The following INTS4 variants were observed in gnomAD, a reference collection of about 807,000 sequenced individuals.
The protein encoded by INTS4 is MSTP093.
INTS4 carries 70 observed loss-of-function variants against 119.5 expected under a neutral mutation model. That is an observed-to-expected ratio of 0.59 (90% CI 0.48 to 0.71). INTS4 has a LOEUF of 0.71. Among genes scored for constraint, INTS4 ranks in the 30% least tolerant of loss-of-function variants. INTS4 has a pLI of 0.00. For missense variants in INTS4, 867 were observed against 1,173.2 expected (o/e 0.74, Z 3.81); for synonymous variants, 316 against 419.6 (o/e 0.75, Z 3.02).
At chr11:77,978,344 A>T (rs1188426813) in intron 4 of INTS4, 2 of 152,194 alleles carry the variant, frequency 1.3e-5, no homozygotes, top group Non-Finnish European at 2.9e-5. Context: ...AATGCATTTG[A>T]CTTTTTTATA....
chr11:77,926,195 A>AG (rs199561415), intron 11 of INTS4, among the ~76,000 whole-genome samples: 1,673 of 152,046 alleles, frequency 0.011, 32 homozygotes, highest in African/African-American at 0.036. Flanking sequence ...GCAGGAAAAA[A>AG]AAAAGGCAAA....
intron 10 of INTS4, among the ~76,000 whole-genome samples, chr11:77,934,307 T>C (rs1953737205): frequency 6.6e-6 from 1 of 151,580 alleles, no homozygotes; most frequent in African/African-American, 2.4e-5. Flanking sequence ...GTTCACTTGC[T>C]TATCTGCTGA....
chr11:77,900,709 G>A, intron 18 of INTS4: 1 of 671,358 alleles, frequency 1.5e-6, no homozygotes, highest in East Asian at 2.7e-5. Context: ...AACACTATGG[G>A]ACACCATCAA....
At chr11:77,919,026 T>C in intron 14 of INTS4, 48 bp from the exon 15 acceptor site, 1 of 1,600,618 alleles carries the variant, frequency 6.2e-7, no homozygotes, top group Non-Finnish European at 8.6e-7. Flanking sequence ...GGCTCAGCTT[T>C]TGGTAACACA....
At position 77,891,884 on chromosome 11, in the gene INTS4, T is replaced by G. The variant is rs1591015488; in HGVS notation, c.2289-44A>C. 3.7e-6 allele frequency: 6 copies of G among 1,609,766 alleles called. No homozygotes were observed. The East Asian group carries it at 1.3e-4, about 36-fold the overall frequency. ...GCAACTGACTCATTCAACTGTGCAC[T>G]CATTCACCACAGGCTGGGCCCCAGA... On this transcript the variant is annotated intron_variant, in intron 19 of 22. Coordinates refer to ENST00000534064, the MANE Select transcript of INTS4 (RefSeq NM_033547.4).
chr11:77,978,712 C>T (rs914475352), intron 4 of INTS4: 1 of 179,452 alleles, frequency 5.6e-6, no homozygotes, highest in Non-Finnish European at 1.2e-5. Context: ...AATAACGGTA[C>T]TTACTTGAAG....
chr11:77,934,338 T>C (rs892960337), intron 10 of INTS4, among the ~76,000 whole-genome samples: 1 of 149,746 alleles, frequency 6.7e-6, no homozygotes, highest in African/African-American at 2.5e-5. Context: ...ACTATTGTCC[T>C]ATGACCCTGC....
chr11:77,953,646 C>G (rs1032974393), intron 8 of INTS4, among the ~76,000 whole-genome samples: 6 of 151,552 alleles, frequency 4.0e-5, no homozygotes, highest in Non-Finnish European at 8.8e-5. Flanking sequence ...TGCAATGGCA[C>G]AATCTCGGCT....
At chr11:77,966,948 A>G (rs1482144037) in intron 4 of INTS4, among the ~76,000 whole-genome samples, 1 of 152,168 alleles carries the variant, frequency 6.6e-6, no homozygotes, top group East Asian at 1.9e-4. Flanking sequence ...CAATGGCTGC[A>G]CTATTTTGCA....
At chr11:77,979,368 A>C (rs879488899) in intron 3 of INTS4, among the ~76,000 whole-genome samples, 1 of 152,020 alleles carries the variant, frequency 6.6e-6, no homozygotes, top group Non-Finnish European at 1.5e-5. Context: ...TCAGCTACTT[A>C]GGAGGCCGAG....
At chr11:77,959,005 T>G (rs569275907) in intron 6 of INTS4, among the ~76,000 whole-genome samples, 171 bp from the exon 7 acceptor site, 132 of 152,348 alleles carry the variant, frequency 8.7e-4, no homozygotes, top group South Asian at 8.1e-3. Flanking sequence ...CTCTGTCAGC[T>G]GCTCTGGCTG....
At chr11:77,910,215 T>C (rs1168444199) in intron 15 of INTS4, among the ~76,000 whole-genome samples, 2 of 151,944 alleles carry the variant, frequency 1.3e-5, no homozygotes, top group Non-Finnish European at 2.9e-5. Context: ...AATGATAGAC[T>C]GGATTAAGAA....
intron 10 of INTS4, among the ~76,000 whole-genome samples, chr11:77,934,874 A>C (rs1171024107): frequency 1.3e-5 from 2 of 152,230 alleles, no homozygotes; most frequent in African/African-American, 2.4e-5. Context: ...CTTAACATCT[A>C]CTGATGAAAA....
At chr11:77,963,580 T>G in intron 4 of INTS4, 1 of 340,178 alleles carries the variant, frequency 2.9e-6, no homozygotes, top group African/African-American at 2.2e-5. Context: ...AATTTACAAT[T>G]TTGCTATATA....
Position 77,882,224 on chromosome 11 carries a change from T to C in INTS4, c.2713+1608A>G, listed in dbSNP as rs183145362. Among the ~76,000 whole-genome samples the C allele has an allele frequency of 3.3e-3, 498 of 152,186 alleles. 7 individuals carry two copies. Among genetic ancestry groups the C allele is most frequent in the Non-Finnish European group, 4.4e-4 (30 of 68,008 alleles). On this transcript the variant is annotated intron_variant, in intron 22 of 22. Transcript: ENST00000534064. Reference sequence around the variant, plus strand: ...AGGCCTGGCTGTGATCTTGTATAAGTTAAAATTATTCAGGCTCAGGATCGC... The same window carrying C: ...AGGCCTGGCTGTGATCTTGTATAAGCTAAAATTATTCAGGCTCAGGATCGC...
chr11:77,980,261 C>A (rs1242797993), intron 3 of INTS4, among the ~76,000 whole-genome samples: 2 of 152,186 alleles, frequency 1.3e-5, no homozygotes, highest in Non-Finnish European at 2.9e-5. Flanking sequence ...CCCCACTGAA[C>A]ACCTAGTTAT....
At chr11:77,948,827 T>TTTA (rs1954116347) in intron 8 of INTS4, among the ~76,000 whole-genome samples, 1 of 149,032 alleles carries the variant, frequency 6.7e-6, no homozygotes, top group African/African-American at 2.5e-5. Flanking sequence ...TTGAATAGAT[T>TTTA]AAAACACAAA....
At chr11:77,992,418 C>G (rs1248875932) in intron 1 of INTS4, among the ~76,000 whole-genome samples, 1 of 151,396 alleles carries the variant, frequency 6.6e-6, no homozygotes, top group Non-Finnish European at 1.5e-5. Context: ...AAACAAATAT[C>G]CGATGGGCGT....
intron 12 of INTS4, 159 bp from the exon 13 acceptor site, chr11:77,922,630 T>A: frequency 1.0e-6 from 1 of 985,026 alleles, no homozygotes; most frequent in Non-Finnish European, 1.5e-6. Context: ...CCAGTTATTC[T>A]GGAACTCGGT....
Sources: gnomAD v4.1 joint callset for allele counts (sites outside exome capture counted in the v4.1 genomes callset) on GRCh38, gnomAD v4.1.1 for gene constraint, MANE v1.5 for transcripts, NCBI Gene and HGNC (gene_info 2026-07-23, HGNC 2026-07-21) for gene names.